The following XPO4 variants were observed in gnomAD, a reference collection of about 807,000 sequenced individuals.
XPO4 encodes the protein exportin-4.
Under a neutral mutation model 143.0 loss-of-function variants are expected in XPO4, and 39 were observed. That is an observed-to-expected ratio of 0.27 (90% confidence interval 0.21 to 0.36). XPO4 has a LOEUF of 0.36. XPO4 is among the 10% of genes least tolerant of loss of function. The pLI, the probability that XPO4 is intolerant of heterozygous loss-of-function variation, is 1.00. For missense variants in XPO4, 907 were observed against 1,348.0 expected, an observed-to-expected ratio of 0.67 and a Z score of 5.12; for synonymous variants, 439 against 474.0, an observed-to-expected ratio of 0.93 and a Z score of 0.96.
chr13:20,816,320 T>C (rs1325233850), intron 9 of XPO4, among the ~76,000 whole-genome samples: 1 of 152,152 alleles, frequency 6.6e-6, no homozygotes, highest in Non-Finnish European at 1.5e-5. Flanking sequence ...AAGGCAAATA[T>C]GGGAACAATA....
In XPO4 at chr13:20,796,932, A is replaced by G; in HGVS notation, c.2448T>C (p.Ala816=). The change falls in exon 17 of 23, where the codon GCT becomes GCC. Residue 816 remains alanine, a synonymous_variant. Coordinates refer to ENST00000255305, the MANE Select transcript of XPO4 (RefSeq NM_022459.5). ...TATLEALCGI[A]EATQIDNVAI... Reference sequence around the variant, plus strand: ...CTACGTTGTCAATCTGGGTAGCCTCAGCAATGCCACACAGGGCCTCTAGTG... The same window carrying G: ...CTACGTTGTCAATCTGGGTAGCCTCGGCAATGCCACACAGGGCCTCTAGTG... The G allele has an allele frequency of 6.2e-7, 1 of 1,614,202 alleles. No individual in the cohort carries two copies. Among genetic ancestry groups the G allele is most frequent in the Non-Finnish European group, 8.5e-7 (1 of 1,180,022 alleles).
At chr13:20,798,702 T>A (rs1222090363) in intron 16 of XPO4, among the ~76,000 whole-genome samples, 1 of 151,994 alleles carries the variant, frequency 6.6e-6, no homozygotes, top group African/African-American at 2.4e-5. Flanking sequence ...AACCCATTCA[T>A]TAGGAGAAAA....
chr13:20,875,699 C>T (rs1209401737), intron 1 of XPO4, among the ~76,000 whole-genome samples: 1 of 152,102 alleles, frequency 6.6e-6, no homozygotes, highest in East Asian at 1.9e-4. Flanking sequence ...TCAAAAACCC[C>T]TTTACACAAT....
intron 18 of XPO4, among the ~76,000 whole-genome samples, chr13:20,795,843 T>C (rs2763002): frequency 0.23 from 35,347 of 152,138 alleles, 5,774 homozygotes; most frequent in East Asian, 0.8. Flanking sequence ...GAACAGTGCA[T>C]GGCATTTAGT....
intron 22 of XPO4, among the ~76,000 whole-genome samples, chr13:20,784,382 A>C (rs1199158838): frequency 6.6e-6 from 1 of 152,208 alleles, no homozygotes; most frequent in Non-Finnish European, 1.5e-5. Flanking sequence ...ATGTGCACAA[A>C]GACAGGACAG....
intron 3 of XPO4, among the ~76,000 whole-genome samples, chr13:20,857,292 GAATTAA>G (rs1305063337): frequency 6.6e-6 from 1 of 152,152 alleles, no homozygotes; most frequent in Non-Finnish European, 1.5e-5. Context: ...CTACTGGCAA[GAATTAA>G]AATTATTATT....
Position 20,788,696 on chromosome 13 carries a change from C to T in XPO4, c.2917-80G>A, listed in dbSNP as rs188529580. 3.2e-3 allele frequency: 4,139 copies of T among 1,292,064 alleles called. 7 individuals are homozygous for T. The highest frequency in any genetic ancestry group is 4.0e-3 in the Middle Eastern group (15 of 3,708). 80.0% of individuals were successfully genotyped at this position (1,292,064 alleles called of 1,614,324 possible). ...TCATCAATGCAATAAAATAAAGTAA[C>T]TGACAAGCTTCTAAATATAATGATT... On this transcript the variant is annotated intron_variant, in intron 19 of 22. Coordinates refer to ENST00000255305, the MANE Select transcript of XPO4 (RefSeq NM_022459.5).
chr13:20,882,090 A>G (rs903030992), intron 1 of XPO4, among the ~76,000 whole-genome samples: 49 of 145,748 alleles, frequency 3.4e-4, no homozygotes, highest in African/African-American at 1.2e-3. Flanking sequence ...AGCCTGGGCG[A>G]CAGAGTAAGA....
chr13:20,876,187 G>A (rs572260839), intron 1 of XPO4, among the ~76,000 whole-genome samples: 24 of 150,124 alleles, frequency 1.6e-4, no homozygotes, highest in South Asian at 6.3e-4. Flanking sequence ...ACTTGAATCC[G>A]GAAGGCAGAG....
At chr13:20,795,210 T>C (rs1053377611) in intron 18 of XPO4, among the ~76,000 whole-genome samples, 5 of 152,194 alleles carry the variant, frequency 3.3e-5, no homozygotes, top group African/African-American at 1.2e-4. Flanking sequence ...CTAGATATGA[T>C]TCATTTTTCT....
At chr13:20,808,940 C>T (rs1243890885) in intron 11 of XPO4, 143 bp downstream of exon 11, 4 of 951,108 alleles carry the variant, frequency 4.2e-6, no homozygotes, top group Non-Finnish European at 4.7e-6. Context: ...GGAACGCAAT[C>T]ATGAGTATGT....
chr13:20,816,634 C>T (rs2059654571), intron 9 of XPO4, among the ~76,000 whole-genome samples: 1 of 152,150 alleles, frequency 6.6e-6, no homozygotes, highest in East Asian at 1.9e-4. Context: ...AGTAAGTAAG[C>T]TTTATTCTAA....
chr13:20,811,369 C>T (rs1424460498), intron 9 of XPO4, among the ~76,000 whole-genome samples: 2 of 150,542 alleles, frequency 1.3e-5, no homozygotes, highest in South Asian at 2.1e-4. Context: ...CTCACTACAG[C>T]GTCCGCTTCC....
chr13:20,817,273 C>T (rs2059661559), intron 9 of XPO4, among the ~76,000 whole-genome samples: 2 of 152,164 alleles, frequency 1.3e-5, no homozygotes, highest in Non-Finnish European at 2.9e-5. Context: ...TGTCACATAA[C>T]CTCACTACAA....
intron 7 of XPO4, among the ~76,000 whole-genome samples, chr13:20,823,594 A>G (rs1394081961): frequency 6.9e-6 from 1 of 144,406 alleles, no homozygotes; most frequent in Non-Finnish European, 1.5e-5. Flanking sequence ...CCATTTTTGT[A>G]TGGTTGGGGG....
chr13:20,829,435 A>C (rs1406166243), intron 6 of XPO4, among the ~76,000 whole-genome samples: 7 of 152,192 alleles, frequency 4.6e-5, no homozygotes, highest in Admixed American at 3.9e-4. Flanking sequence ...ATTATATAGG[A>C]TATGAGACAA....
At chr13:20,902,640 C>T (rs773603353) in intron 1 of XPO4, 30 bp downstream of exon 1, 308 of 1,537,900 alleles carry the variant, frequency 2.0e-4, no homozygotes, top group Non-Finnish European at 2.5e-4. Flanking sequence ...GCCCGCGAAT[C>T]CCGGGGTCTG....
At chr13:20,852,229 T>C (rs1419429528) in intron 4 of XPO4, 1 of 985,306 alleles carries the variant, frequency 1.0e-6, no homozygotes, top group African/African-American at 1.7e-5. Context: ...TTAAATCCTG[T>C]CTGTCACAAG....
chr13:20,867,247 G>A (rs533725303), intron 2 of XPO4, among the ~76,000 whole-genome samples: 1 of 152,276 alleles, frequency 6.6e-6, no homozygotes, highest in Non-Finnish European at 1.5e-5. Context: ...AATTTAAAAG[G>A]TAGTTGTTGA....
Sources: gnomAD v4.1 joint callset for allele counts (sites outside exome capture counted in the v4.1 genomes callset) on GRCh38, gnomAD v4.1.1 for gene constraint, MANE v1.5 for transcripts, NCBI Gene and HGNC (gene_info 2026-07-23, HGNC 2026-07-21) for gene names.